SYNPR: variants seen among roughly 807,000 people sequenced by gnomAD.
The protein encoded by SYNPR is synaptoporin.
In SYNPR, 23 loss-of-function variants were observed where a neutral mutation model predicts 32.9. The ratio of observed to expected loss-of-function variants is 0.70; its 90% CI spans 0.50 to 0.99. The LOEUF (loss-of-function observed/expected upper bound fraction) is 0.99. Ranked by LOEUF, SYNPR falls within the 50% of genes least tolerant of loss-of-function variation. SYNPR has a pLI of 0.00. For synonymous variants in SYNPR, 146 were observed against 135.9 expected (o/e 1.07, Z -0.52); for missense variants, 318 against 349.3 (o/e 0.91, Z 0.71).
At chr3:63,377,351 A>G (rs961375069) in intron 2 of SYNPR, among the ~76,000 whole-genome samples, 1 of 152,114 alleles carries the variant, frequency 6.6e-6, no homozygotes, top group Non-Finnish European at 1.5e-5. Flanking sequence ...TTCTAGGTTT[A>G]AGAGGTACTT....
intron 2 of SYNPR, among the ~76,000 whole-genome samples, chr3:63,345,120 AC>A (rs1179211412): frequency 3.9e-5 from 6 of 152,204 alleles, no homozygotes; most frequent in South Asian, 2.1e-4. Flanking sequence ...GTAAACAATG[AC>A]TTGTTATCAT....
intron 3 of SYNPR, among the ~76,000 whole-genome samples, chr3:63,520,755 G>A (rs1256726607): frequency 2.6e-5 from 4 of 152,184 alleles, no homozygotes; most frequent in Non-Finnish European, 2.9e-5. Flanking sequence ...CTAGTGAGAG[G>A]TGAGGCCAGA....
intron 2 of SYNPR, among the ~76,000 whole-genome samples, chr3:63,282,721 T>G (rs1211438905): frequency 6.6e-6 from 1 of 151,244 alleles, no homozygotes; most frequent in Non-Finnish European, 1.5e-5. Context: ...TCAATTAATA[T>G]GCATTGACCT....
intron 3 of SYNPR, among the ~76,000 whole-genome samples, chr3:63,493,965 A>G (rs1022331046): frequency 6.6e-6 from 1 of 152,130 alleles, no homozygotes; most frequent in African/African-American, 2.4e-5. Flanking sequence ...GCTGACCTAA[A>G]AAGAATCAGA....
intron 3 of SYNPR, among the ~76,000 whole-genome samples, chr3:63,519,948 A>ATG (rs998307416): frequency 6.6e-6 from 1 of 152,220 alleles, no homozygotes; most frequent in African/African-American, 2.4e-5. Flanking sequence ...TAGACAATAT[A>ATG]TGTGTGTGTG....
intron 2 of SYNPR, among the ~76,000 whole-genome samples, chr3:63,260,349 C>G (rs1033131297): frequency 3.3e-5 from 5 of 152,288 alleles, no homozygotes; most frequent in African/African-American, 1.2e-4. Flanking sequence ...ACCAAAACAG[C>G]ATGGTACTGG....
chr3:63,337,538 G>A (rs35197431), intron 2 of SYNPR, among the ~76,000 whole-genome samples: 32,004 of 152,062 alleles, frequency 0.21, 3,849 homozygotes, highest in South Asian at 0.38. Flanking sequence ...TAAAAACTAC[G>A]TCCACACAAA....
intron 4 of SYNPR, among the ~76,000 whole-genome samples, chr3:63,572,446 G>A (rs1191952360): frequency 6.6e-6 from 1 of 152,104 alleles, no homozygotes; most frequent in Admixed American, 6.5e-5. Flanking sequence ...AAGGCATTAT[G>A]CTAGGTATAG....
At chr3:63,364,074 T>G (rs2087700131) in intron 2 of SYNPR, among the ~76,000 whole-genome samples, 1 of 152,212 alleles carries the variant, frequency 6.6e-6, no homozygotes, top group Non-Finnish European at 1.5e-5. Flanking sequence ...CTGGAGTTAC[T>G]ATCTGCAAAA....
At chr3:63,476,159 G>GAAGGA (rs1559510455) in intron 2 of SYNPR, among the ~76,000 whole-genome samples, 3 of 34,206 alleles carry the variant, frequency 8.8e-5, no homozygotes, top group Admixed American at 2.6e-4. Flanking sequence ...GGGAGGGAGG[G>GAAGGA]AGGGAGGGAG....
At chr3:63,479,446 G>GCGCGCA (rs6147854) in intron 2 of SYNPR, among the ~76,000 whole-genome samples, 2 of 135,742 alleles carry the variant, frequency 1.5e-5, no homozygotes, top group Non-Finnish European at 1.6e-5. Context: ...CCACACACAT[G>GCGCGCA]CACACACACA....
chr3:63,497,361 C>T (rs895089870), intron 3 of SYNPR, among the ~76,000 whole-genome samples: 2 of 152,046 alleles, frequency 1.3e-5, no homozygotes, highest in African/African-American at 4.8e-5. Flanking sequence ...ACAGATACAA[C>T]GTATGGTGAA....
intron 2 of SYNPR, among the ~76,000 whole-genome samples, chr3:63,324,374 A>T (rs1280921372): frequency 6.6e-6 from 1 of 152,168 alleles, no homozygotes; most frequent in Middle Eastern, 3.2e-3. Flanking sequence ...TTGAAGGCTA[A>T]GCCAGGAAAT....
intron 2 of SYNPR, among the ~76,000 whole-genome samples, chr3:63,286,646 T>C (rs1008972142): frequency 6.6e-6 from 1 of 152,208 alleles, no homozygotes; most frequent in Non-Finnish European, 1.5e-5. Flanking sequence ...CTAAGGAGTA[T>C]GTGCACAGAA....
At chr3:63,447,537 G>A (rs1700300513) in intron 2 of SYNPR, among the ~76,000 whole-genome samples, 1 of 152,106 alleles carries the variant, frequency 6.6e-6, no homozygotes, top group South Asian at 2.1e-4. Flanking sequence ...TAGAGCTGGT[G>A]GTCCTGTTAC....
intron 3 of SYNPR, among the ~76,000 whole-genome samples, chr3:63,520,459 G>A (rs1029220623): frequency 3.9e-5 from 6 of 152,126 alleles, no homozygotes; most frequent in Non-Finnish European, 8.8e-5. Context: ...TGGATCACGA[G>A]GTCAGGAGTT....
At chr3:63,343,005 G>A (rs2087388199) in intron 2 of SYNPR, among the ~76,000 whole-genome samples, 1 of 152,200 alleles carries the variant, frequency 6.6e-6, no homozygotes, top group South Asian at 2.1e-4. Context: ...CCTGCCGGAG[G>A]AGGTGATATG....
intron 3 of SYNPR, chr3:63,545,625 C>T (rs1247033541): frequency 6.6e-6 from 1 of 151,868 alleles, no homozygotes; most frequent in Non-Finnish European, 1.5e-5. Flanking sequence ...TAAGGCAGAT[C>T]CTCCTTGAAA....
At chr3:63,451,069 G>T (rs56686813) in intron 2 of SYNPR, among the ~76,000 whole-genome samples, 5,881 of 152,134 alleles carry the variant, frequency 0.039, 127 homozygotes, top group East Asian at 0.098. Flanking sequence ...GCCATCTTGG[G>T]GCCTTCGTAT....
Sources: allele counts gnomAD v4.1 joint callset (sites outside exome capture counted in the v4.1 genomes callset), GRCh38; gene constraint gnomAD v4.1.1; transcripts MANE v1.5; gene names NCBI Gene and HGNC (gene_info 2026-07-23, HGNC 2026-07-21).